Variants in PIAS4 observed in about 807,000 individuals in gnomAD.
PIAS4 encodes the protein E3 SUMO-protein ligase PIAS4.
A neutral mutation model predicts 58.0 loss-of-function variants in PIAS4; 7 were observed. The ratio of observed to expected loss-of-function variants is 0.12; its 90% CI spans 0.07 to 0.23. The LOEUF (loss-of-function observed/expected upper bound fraction) is 0.23, where lower values mean the gene tolerates loss of function less well. Ranked by LOEUF, PIAS4 falls within the 10% of genes least tolerant of loss-of-function variation. The pLI is 1.00. For synonymous variants in PIAS4, 364 were observed against 312.4 expected, an observed-to-expected ratio of 1.17 and a Z score of -1.74; for missense variants, 550 against 709.5, an observed-to-expected ratio of 0.78 and a Z score of 2.55.
rs1414068272 is a variant in PIAS4 at position 4,024,681 on chromosome 19, GGGTCCCC to G, written c.539+565_539+571del. On this transcript the variant is annotated intron_variant, in intron 3 of 10. Coordinates refer to ENST00000262971, the MANE Select transcript of PIAS4 (RefSeq NM_015897.4). Reference sequence around the variant, plus strand: ...AAAGTAGGTGAATCCCAGGAGCTGGGGGTCCCCGGTTTACACCGCCCGCCTTAGGAAT... The same window carrying G: ...AAAGTAGGTGAATCCCAGGAGCTGGGGGTTTACACCGCCCGCCTTAGGAAT... Among the ~76,000 whole-genome samples the G allele has an allele frequency of 6.2e-4, 95 of 152,138 alleles. 2 individuals carry two copies. Among genetic ancestry groups the G allele is most frequent in the Non-Finnish European group, 2.9e-5 (2 of 68,006 alleles).
Position 4,028,558 on chromosome 19 carries a change from C to T in PIAS4, c.630C>T (p.Pro210=). The T allele has an allele frequency of 1.9e-6, 3 of 1,613,066 alleles. No individual in the cohort carries two copies. Among genetic ancestry groups the T allele is most frequent in the Non-Finnish European group, 2.5e-6 (3 of 1,179,930 alleles). The change falls in exon 5 of 11, where the codon CCC becomes CCT. Residue 210 remains proline, a synonymous_variant. Coordinates refer to ENST00000262971, the MANE Select transcript of PIAS4 (RefSeq NM_015897.4). ...TSCPQEDQYP[P]NIAVKVNHSY... ...GCCCTCAGGAGGACCAGTACCCGCC[C>T]AACATCGCTGTGAAGGTCAACCACA...
chr19:4,028,008 A>G, intron 3 of PIAS4, 138 bp from the exon 4 acceptor site: 1 of 844,196 alleles, frequency 1.2e-6, no homozygotes, highest in African/African-American at 1.7e-5. Context: ...CGTACAAAAG[A>G]GTCCTGGGCC....
intron 2 of PIAS4, among the ~76,000 whole-genome samples, chr19:4,015,519 C>G (rs2040043965): frequency 6.6e-6 from 1 of 152,218 alleles, no homozygotes; most frequent in Non-Finnish European, 1.5e-5. Context: ...AGGTGAACCT[C>G]CTTTCCTGGA....
rs757088300 is a variant in PIAS4 at position 4,028,918 on chromosome 19, C to A, written c.802-13C>A. ...CCGTCCTGCCAGCCCTGACCCCTTC[C>A]TTCTGTCCCCAGAGCTACTCGGTGG... is the stretch of plus-strand genomic sequence containing the variant. On this transcript the variant is annotated splice_polypyrimidine_tract_variant and intron_variant, in intron 6 of 10. Transcript: ENST00000262971. 1 of 1,612,234 alleles carries A rather than the reference C, an allele frequency of 6.2e-7. No homozygotes were observed. The highest frequency in any genetic ancestry group is 1.1e-5 in the South Asian group (1 of 90,950).
chr19:4,032,189 G>A (rs1050640017), intron 7 of PIAS4, among the ~76,000 whole-genome samples: 4 of 152,008 alleles, frequency 2.6e-5, no homozygotes, highest in South Asian at 2.1e-4. Flanking sequence ...GCGGAGGAAC[G>A]TCAGGACAGC....
chr19:4,010,197 G>A (rs368688258), intron 1 of PIAS4, among the ~76,000 whole-genome samples: 1 of 152,156 alleles, frequency 6.6e-6, no homozygotes, highest in Non-Finnish European at 1.5e-5. Flanking sequence ...TGTCCCCCCC[G>A]CACTCCCTCC....
At chr19:4,011,906 G>C (rs1215141994) in intron 1 of PIAS4, among the ~76,000 whole-genome samples, 1 of 45,592 alleles carries the variant, frequency 2.2e-5, no homozygotes, top group African/African-American at 8.7e-5. Flanking sequence ...GTGTGGAGGT[G>C]TGTGGGGTGT....
intron 2 of PIAS4, among the ~76,000 whole-genome samples, chr19:4,023,250 G>A (rs2040128708): frequency 6.6e-6 from 1 of 151,150 alleles, no homozygotes; most frequent in Non-Finnish European, 1.5e-5. Flanking sequence ...AGTTTGAGAT[G>A]GGCGGATCAC....
intron 7 of PIAS4, among the ~76,000 whole-genome samples, chr19:4,030,047 C>A (rs974401520): frequency 6.6e-6 from 1 of 151,780 alleles, no homozygotes; most frequent in Non-Finnish European, 1.5e-5. Context: ...TGGTCTTAAG[C>A]TCCTGACCTC....
At chr19:4,029,215 A>G (rs935016891) in intron 7 of PIAS4, among the ~76,000 whole-genome samples, 179 bp downstream of exon 7, 1 of 152,164 alleles carries the variant, frequency 6.6e-6, no homozygotes, top group African/African-American at 2.4e-5. Context: ...TACGGATGGC[A>G]GAGGGGGCAC....
At position 4,038,702 on chromosome 19, in the gene PIAS4, C is replaced by A; in HGVS notation, c.*827C>A. On this transcript the variant is annotated 3_prime_UTR_variant, in exon 11 of 11. Transcript: ENST00000262971. The surrounding 1 kb of genome is among the most constrained non-coding windows in gnomAD (Gnocchi z 4.1). ...TTCCCTACGGAACAGCACAGATGTC[C>A]ACAGATGTCCACAGCTGCCGCCGCC... is the stretch of plus-strand genomic sequence containing the variant. The A allele has an allele frequency of 6.5e-6, 1 of 154,156 alleles. No individual in the cohort carries two copies. The highest frequency in any genetic ancestry group is 1.8e-4 in the South Asian group (1 of 5,678). The allele number at this position is 154,156 out of a possible 1,614,324, so 9.5% of individuals were successfully genotyped here. A position where few individuals can be genotyped will look rare whatever the true frequency, so the allele number is the denominator to read the frequency against.
Position 4,033,461 on chromosome 19 carries a change from C to T in PIAS4, c.1023C>T (p.Thr341=). 1 of 1,567,806 alleles carries T rather than the reference C, an allele frequency of 6.4e-7. No homozygotes were observed. The highest frequency in any genetic ancestry group is 2.3e-5 in the East Asian group (1 of 42,560). The change falls in exon 9 of 11, where the codon ACC becomes ACT. Residue 341 remains threonine (T), a synonymous_variant. Coordinates refer to ENST00000262971, the MANE Select transcript of PIAS4 (RefSeq NM_015897.4). ...MRLSVPCRAE[T]CAHLQCFDAV... ...TCTCCGTGCCCTGCCGGGCAGAGAC[C>T]TGTGCCCACCTGCAGTGCTTCGACG...
At chr19:4,026,193 C>T (rs1384464063) in intron 3 of PIAS4, among the ~76,000 whole-genome samples, 2 of 142,270 alleles carry the variant, frequency 1.4e-5, no homozygotes, top group Admixed American at 7.0e-5. Flanking sequence ...AGTGCAGTGG[C>T]GTGATGTCGG....
chr19:4,034,181 G>GC (rs1185363734), intron 9 of PIAS4, among the ~76,000 whole-genome samples: 1 of 152,132 alleles, frequency 6.6e-6, no homozygotes, highest in Non-Finnish European at 1.5e-5. Flanking sequence ...CGCCGACCGC[G>GC]CCCACCTCGT....
chr19:4,024,007 C>G (rs755109160), intron 2 of PIAS4, 29 bp from the exon 3 acceptor site: 2 of 1,519,122 alleles, frequency 1.3e-6, no homozygotes, highest in Non-Finnish European at 1.8e-6. Context: ...AGGGACCAGA[C>G]ATGCCCCTGA....
At chr19:4,024,314 T>G (rs1469161682) in intron 3 of PIAS4, among the ~76,000 whole-genome samples, 194 bp downstream of exon 3, 2 of 152,220 alleles carry the variant, frequency 1.3e-5, no homozygotes, top group African/African-American at 4.8e-5. Flanking sequence ...CTGGCCTGTG[T>G]GCCCACTGCC....
rs1185790792 is a variant in PIAS4 at position 4,015,438 on chromosome 19, G to A, written c.454+2089G>A. Among the ~76,000 whole-genome samples the A allele has an allele frequency of 6.6e-5, 10 of 152,244 alleles. No individual in the cohort carries two copies. The South Asian group carries it at 1.5e-3, about 22-fold the overall frequency. ...TCTACACCAGTGTGCCTGTGCTGGCGGCTCAGAACAAAGAGGCCATCCCCA... is the reference window on the plus strand; with the variant it reads ...TCTACACCAGTGTGCCTGTGCTGGCAGCTCAGAACAAAGAGGCCATCCCCA... On this transcript the variant is annotated intron_variant, in intron 2 of 10. Coordinates refer to ENST00000262971, the MANE Select transcript of PIAS4 (RefSeq NM_015897.4).
In PIAS4 at chr19:4,037,440, G is replaced by A. The variant is rs1298287118; in HGVS notation, c.1209G>A (p.Ser403=). Residue 403 remains serine (S), a synonymous_variant, in exon 10 of 11, where the codon TCG becomes TCA. Transcript: ENST00000262971. The surrounding 1 kb of genome is among the most constrained non-coding windows in gnomAD (Gnocchi z 5.8). ...ADEIEYLVDG[S]WCPIRAEKER... is the part of the protein sequence containing the mutation. The stretch of plus-strand genomic sequence containing the variant: ...AGATCGAGTACCTGGTGGACGGCTC[G>A]TGGTGCCCGATCCGCGCCGAAAAGG... The A allele has an allele frequency of 1.1e-5, 18 of 1,611,666 alleles. No homozygotes were observed. In the Admixed American group the frequency reaches 1.2e-4, roughly 10 times the overall value.
At chr19:4,028,445 C>T in intron 4 of PIAS4, 65 bp from the exon 5 acceptor site, 1 of 1,205,900 alleles carries the variant, frequency 8.3e-7, no homozygotes, top group South Asian at 1.3e-5. Context: ...CTCGTGTACC[C>T]CCGCAGCAGC....
Sources: allele counts gnomAD v4.1 joint callset (sites outside exome capture counted in the v4.1 genomes callset), GRCh38; gene constraint gnomAD v4.1.1; non-coding constraint Gnocchi (gnomAD v3.1); transcripts MANE v1.5; gene names NCBI Gene and HGNC (gene_info 2026-07-23, HGNC 2026-07-21).